MEX3C: variants seen among roughly 807,000 people sequenced by gnomAD.
MEX3C encodes the protein RNA-binding E3 ubiquitin-protein ligase MEX3C.
Under a neutral mutation model 35.5 loss-of-function variants are expected in MEX3C, and 15 were observed. That is an observed-to-expected ratio of 0.42 (90% CI 0.28 to 0.65). The LOEUF is 0.65. Among genes scored for constraint, MEX3C ranks in the 30% least tolerant of loss-of-function variants. The probability of loss-of-function intolerance (pLI) is 0.20; values close to 1 mark genes in which losing one functional copy is unlikely to be tolerated. For synonymous variants in MEX3C, 390 were observed against 352.8 expected, an observed-to-expected ratio of 1.11 and a Z score of -1.18; for missense variants, 711 against 842.8, an observed-to-expected ratio of 0.84 and a Z score of 1.94.
intron 1 of MEX3C, among the ~76,000 whole-genome samples, chr18:51,184,206 C>A (rs1912486693): frequency 6.6e-6 from 1 of 152,102 alleles, no homozygotes; most frequent in African/African-American, 2.4e-5. Flanking sequence ...ACCCACCTCC[C>A]ACTCCCTACT....
intron 1 of MEX3C, among the ~76,000 whole-genome samples, chr18:51,187,389 AACTG>A (rs1415880377): frequency 6.6e-6 from 1 of 152,198 alleles, no homozygotes; most frequent in Non-Finnish European, 1.5e-5. Flanking sequence ...AGCAGCAAAA[AACTG>A]ACTATCTGCA....
rs1443998617 is a variant in MEX3C, at chr18:51,176,749, C to T, written c.1582G>A (p.Gly528Ser). ...CCTCTGCGCTGAGTCTTCATGTTAC[C>T]AGAAGGATCACTCCCAAAGCCAGAG... ...PLSGFGSDPS[G>S]NMKTQRRGSQ... is the part of the protein sequence containing the mutation. The change falls in exon 2 of 2, where the codon GGT (glycine) becomes AGT (serine). Residue 528 changes from glycine to serine, a missense_variant. Transcript: ENST00000406189. 7 of 1,613,850 alleles carry T rather than the reference C, an allele frequency of 4.3e-6. No homozygotes were observed. Among genetic ancestry groups the T allele is most frequent in the Non-Finnish European group, 5.9e-6 (7 of 1,179,898 alleles).
At chr18:51,182,316 A>T (rs2144550926) in intron 1 of MEX3C, among the ~76,000 whole-genome samples, 1 of 152,360 alleles carries the variant, frequency 6.6e-6, no homozygotes, top group South Asian at 2.1e-4. Context: ...CTGTACAAAC[A>T]GCAGGGTAAA....
At chr18:51,185,784 G>C (rs1325387172) in intron 1 of MEX3C, among the ~76,000 whole-genome samples, 1 of 152,166 alleles carries the variant, frequency 6.6e-6, no homozygotes, top group African/African-American at 2.4e-5. Context: ...TAAGGGCTGA[G>C]TGTGGTGGCT....
chr18:51,186,456 C>T (rs1912540312), intron 1 of MEX3C, among the ~76,000 whole-genome samples: 2 of 152,182 alleles, frequency 1.3e-5, no homozygotes, highest in Non-Finnish European at 2.9e-5. Context: ...CAGGATGGCA[C>T]AGTCAGACAA....
chr18:51,191,080 T>C (rs564146428), intron 1 of MEX3C, among the ~76,000 whole-genome samples: 1 of 152,312 alleles, frequency 6.6e-6, no homozygotes, highest in South Asian at 2.1e-4. Flanking sequence ...GAACATTATC[T>C]ACTTTCTCAT....
At chr18:51,194,685 C>T (rs986321793) in intron 1 of MEX3C, 1 of 152,168 alleles carries the variant, frequency 6.6e-6, no homozygotes, top group Admixed American at 6.5e-5. Flanking sequence ...TCCTTTGTTA[C>T]CCTAGACTGT....
chr18:51,194,520 G>A (rs1912730841), intron 1 of MEX3C: 1 of 151,972 alleles, frequency 6.6e-6, no homozygotes, highest in African/African-American at 2.4e-5. Flanking sequence ...TTAAAAAACT[G>A]ATTTCTATAA....
chr18:51,184,759 G>A (rs1912499893), intron 1 of MEX3C, among the ~76,000 whole-genome samples: 1 of 152,060 alleles, frequency 6.6e-6, no homozygotes, highest in Non-Finnish European at 1.5e-5. Flanking sequence ...TTGGGAGGCT[G>A]AGGTTGGGAG....
At chr18:51,192,040 C>A (rs979278720) in intron 1 of MEX3C, among the ~76,000 whole-genome samples, 2 of 152,144 alleles carry the variant, frequency 1.3e-5, no homozygotes, top group Non-Finnish European at 2.9e-5. Flanking sequence ...TCCCTTATAA[C>A]TAAATGCTAC....
At chr18:51,183,699 G>T (rs1018510076) in intron 1 of MEX3C, among the ~76,000 whole-genome samples, 7 of 152,180 alleles carry the variant, frequency 4.6e-5, no homozygotes, top group African/African-American at 1.7e-4. Flanking sequence ...AGAGGTTTTG[G>T]CTGATTGTGG....
intron 1 of MEX3C, among the ~76,000 whole-genome samples, chr18:51,183,446 T>C (rs898889236): frequency 3.3e-5 from 5 of 152,224 alleles, no homozygotes; most frequent in African/African-American, 1.2e-4. Flanking sequence ...CTGTTCATCA[T>C]TCACCACTAA....
chr18:51,177,672 G>C lies in MEX3C; in HGVS notation c.755-96C>G. 7.4e-7 allele frequency: 1 copy of C among 1,353,820 alleles called. No individual in the cohort carries two copies. Among genetic ancestry groups the C allele is most frequent in the African/African-American group, 1.5e-5 (1 of 68,458 alleles). 83.9% of individuals were successfully genotyped at this position (1,353,820 alleles called of 1,614,324 possible). A position where few individuals can be genotyped will look rare whatever the true frequency, so the allele number is the denominator to read the frequency against. Reference sequence around the variant, plus strand: ...ATGCACCTTTTAAGCTAAATATCTGGTTATGGGTTAAGTTTTAGAGTTTTT... The same window carrying C: ...ATGCACCTTTTAAGCTAAATATCTGCTTATGGGTTAAGTTTTAGAGTTTTT... On this transcript the variant is annotated intron_variant, in intron 1 of 1. Transcript: ENST00000406189. This position sits in a 1 kb window ranked among gnomAD's most constrained non-coding sequence, Gnocchi z 4.2.
intron 1 of MEX3C, among the ~76,000 whole-genome samples, chr18:51,179,896 T>C (rs11661707): frequency 0.12 from 18,507 of 152,120 alleles, 1,492 homozygotes; most frequent in African/African-American, 0.23. Context: ...GATATGTAAG[T>C]TCACAGTGGG....
intron 1 of MEX3C, 72 bp downstream of exon 1, chr18:51,196,495 C>A: frequency 6.6e-7 from 1 of 1,507,804 alleles, no homozygotes; most frequent in Non-Finnish European, 8.8e-7. Flanking sequence ...TTCCGTCCCA[C>A]GCTCCTTTCT....
At position 51,176,271 on chromosome 18, in the gene MEX3C, G is replaced by T. The variant is rs555388714; in HGVS notation, c.*80C>A. 121 of 1,307,274 alleles carry T rather than the reference G, an allele frequency of 9.3e-5. 1 individual carries two copies. The South Asian group carries it at 1.7e-3, about 19-fold the overall frequency. 81.0% of individuals were successfully genotyped at this position (1,307,274 alleles called of 1,614,324 possible). ...GATAACAGTCATAAGAAATCATTAG[G>T]AAGTTTACTGGGGGGTACCATTATA... On this transcript the variant is annotated 3_prime_UTR_variant, in exon 2 of 2. Coordinates refer to ENST00000406189, the MANE Select transcript of MEX3C (RefSeq NM_016626.5).
intron 1 of MEX3C, among the ~76,000 whole-genome samples, chr18:51,187,340 T>C (rs1041593579): frequency 1.3e-5 from 2 of 152,168 alleles, no homozygotes; most frequent in Admixed American, 6.5e-5. Context: ...AGCTATCATG[T>C]ATGAATCCAT....
In MEX3C at chr18:51,174,804, C is replaced by T. The variant is rs1218998468; in HGVS notation, c.*1547G>A. On this transcript the variant is annotated 3_prime_UTR_variant, in exon 2 of 2. Transcript: ENST00000406189. ...TAAACTATATTGATAATTTATCATT[C>T]TTAGTTTGTGGTTTTTAGAAACAGT... The T allele has an allele frequency of 6.6e-6, 1 of 152,544 alleles. No individual in the cohort carries two copies. The highest frequency in any genetic ancestry group is 2.4e-5 in the African/African-American group (1 of 41,416). The allele number at this position is 152,544 out of a possible 1,614,324, so 9.4% of individuals were successfully genotyped here.
intron 1 of MEX3C, among the ~76,000 whole-genome samples, chr18:51,185,668 T>G (rs919259568): frequency 6.6e-6 from 1 of 152,058 alleles, no homozygotes; most frequent in Non-Finnish European, 1.5e-5. Flanking sequence ...AATTCAGGAA[T>G]AGTAACCCAA....
Sources: allele counts gnomAD v4.1 joint callset (sites outside exome capture counted in the v4.1 genomes callset), GRCh38; gene constraint gnomAD v4.1.1; non-coding constraint Gnocchi (gnomAD v3.1); transcripts MANE v1.5; gene names NCBI Gene and HGNC (gene_info 2026-07-23, HGNC 2026-07-21).